The following NDUFV3 variants were observed in gnomAD, a reference collection of about 807,000 sequenced individuals.
NDUFV3 encodes NADH dehydrogenase [ubiquinone] flavoprotein 3, mitochondrial.
A neutral mutation model predicts 37.5 loss-of-function variants in NDUFV3; 44 were observed. That is an observed-to-expected ratio of 1.17 (90% confidence interval 0.92 to 1.51). The LOEUF is 1.51. NDUFV3 is among the 40% of genes most tolerant of loss of function. NDUFV3 has a pLI of 0.00. For synonymous variants in NDUFV3, 235 were observed against 239.3 expected (o/e 0.98, Z 0.17); for missense variants, 580 against 580.4 (o/e 1.00, Z 0.01).
Position 42,904,138 on chromosome 21 carries a change from C to A in NDUFV3, c.1126C>A (p.Pro376Thr), listed in dbSNP as rs2058731126. The change falls in exon 3 of 4, where the codon CCA (proline) becomes ACA (threonine). Residue 376 changes from proline to threonine, a missense_variant. By Grantham distance (38) the Pro-to-Thr change is conservative. Transcript: ENST00000354250. Reference sequence around the variant, plus strand: ...ACAGGCAATCGTGGAAGATCAGATACCACCAAGCAATTTGGAGACAGTTCC... The same window carrying A: ...ACAGGCAATCGTGGAAGATCAGATAACACCAAGCAATTTGGAGACAGTTCC... ...GGQAIVEDQI[P>T]PSNLETVPVE... 1 of 1,614,126 alleles carries A rather than the reference C, an allele frequency of 6.2e-7. No individual in the cohort carries two copies. Among genetic ancestry groups the A allele is most frequent in the Non-Finnish European group, 8.5e-7 (1 of 1,180,062 alleles).
chr21:42,906,050 GACAGCGTTTTGCCATGT>G (rs1220327914), intron 3 of NDUFV3, among the ~76,000 whole-genome samples: 2 of 150,930 alleles, frequency 1.3e-5, no homozygotes, highest in African/African-American at 4.9e-5. Context: ...TTTTAGTAGA[GACAGCGTTTTGCCATGT>G]TGGTCAGGTT....
chr21:42,894,551 A>T (rs1225192092), intron 1 of NDUFV3, among the ~76,000 whole-genome samples: 29 of 61,260 alleles, frequency 4.7e-4, no homozygotes, highest in Non-Finnish European at 2.9e-4. Context: ...ATAATATATA[A>T]TATATATATA....
At chr21:42,895,401 G>A (rs999659836) in intron 1 of NDUFV3, among the ~76,000 whole-genome samples, 4 of 152,122 alleles carry the variant, frequency 2.6e-5, no homozygotes, top group African/African-American at 7.2e-5. Context: ...AGAATTGCTT[G>A]AACCCACGAG....
chr21:42,894,415 A>ATATATT lies in NDUFV3; in HGVS notation c.48+1034_48+1035insTATATT, dbSNP rs1568854050. Among the ~76,000 whole-genome samples the ATATATT allele has an allele frequency of 2.8e-4, 13 of 47,272 alleles. No individual in the cohort carries two copies. The African/African-American group carries it at 2.8e-3, about 10-fold the overall frequency. 31.0% of individuals were successfully genotyped at this position (47,272 alleles called of 152,430 possible). A position where few individuals can be genotyped will look rare whatever the true frequency, so the allele number is the denominator to read the frequency against. Reference sequence around the variant, plus strand: ...TATATTATATATTTATATAATATATAATATATTATATAAATATATATTATA... The same window carrying ATATATT: ...TATATTATATATTTATATAATATATATATATTATATATTATATAAATATATATTATA... On this transcript the variant is annotated intron_variant, in intron 1 of 3. Coordinates refer to ENST00000354250, the MANE Select transcript of NDUFV3 (RefSeq NM_021075.4).
intron 2 of NDUFV3, 50 bp from the exon 3 acceptor site, chr21:42,903,132 A>C (rs1428400549): frequency 9.3e-6 from 15 of 1,610,108 alleles, no homozygotes; most frequent in Non-Finnish European, 1.2e-5. Flanking sequence ...ATTTTGACTG[A>C]GTTTTAAGTT....
Position 42,909,850 on chromosome 21 carries a change from AT to A in NDUFV3, c.*837del. On this transcript the variant is annotated 3_prime_UTR_variant, in exon 4 of 4. Coordinates refer to ENST00000354250, the MANE Select transcript of NDUFV3 (RefSeq NM_021075.4). The stretch of plus-strand genomic sequence containing the variant: ...AGGCTCACGCCACCATGCCTGGCTA[AT>A]TTTTTTTGTATTTTTAGTAGAGATG... The A allele has an allele frequency of 6.6e-6, 1 of 151,414 alleles. No individual in the cohort carries two copies. Among genetic ancestry groups the A allele is most frequent in the Non-Finnish European group, 1.5e-5 (1 of 67,808 alleles). 9.4% of individuals were successfully genotyped at this position (151,414 alleles called of 1,614,324 possible). A position where few individuals can be genotyped will look rare whatever the true frequency, so the allele number is the denominator to read the frequency against.
At chr21:42,905,833 G>C (rs1402814136) in intron 3 of NDUFV3, among the ~76,000 whole-genome samples, 1 of 147,386 alleles carries the variant, frequency 6.8e-6, no homozygotes, top group Non-Finnish European at 1.5e-5. Flanking sequence ...GCTTTTAAAG[G>C]GCAACAGTAT....
chr21:42,912,442 G>A lies in NDUFV3; in HGVS notation c.*3421G>A, dbSNP rs1038952276. On this transcript the variant is annotated 3_prime_UTR_variant, in exon 4 of 4. Transcript: ENST00000354250. ...TACAGTGGTCACCCAAGGGGCCATT[G>A]TTTGGGTCTATGTGATTTCCCACGT... 2.0e-5 allele frequency: 3 copies of A among 151,966 alleles called. No individual in the cohort carries two copies. Among genetic ancestry groups the A allele is most frequent in the African/African-American group, 7.3e-5 (3 of 41,248 alleles). The allele number at this position is 151,966 out of a possible 1,614,324, so 9.4% of individuals were successfully genotyped here.
In NDUFV3 at chr21:42,893,480, G is replaced by A. The variant is rs1270055145; in HGVS notation, c.48+99G>A. Reference sequence around the variant, plus strand: ...GCTGGTCAGGTCCGGGCCTGTCCGCGACCTCTAGCCGTCCTAGTTGGGCCG... The same window carrying A: ...GCTGGTCAGGTCCGGGCCTGTCCGCAACCTCTAGCCGTCCTAGTTGGGCCG... On this transcript the variant is annotated intron_variant, in intron 1 of 3. Coordinates refer to ENST00000354250, the MANE Select transcript of NDUFV3 (RefSeq NM_021075.4). 4 of 1,376,956 alleles carry A rather than the reference G, an allele frequency of 2.9e-6. No homozygotes were observed. The Admixed American group carries it at 8.0e-5, about 28-fold the overall frequency. The allele number at this position is 1,376,956 out of a possible 1,614,324, so 85.3% of individuals were successfully genotyped here.
intron 3 of NDUFV3, among the ~76,000 whole-genome samples, chr21:42,905,923 G>A (rs2058739590): frequency 6.6e-6 from 1 of 151,264 alleles, no homozygotes; most frequent in Non-Finnish European, 1.5e-5. Flanking sequence ...CAGTACAGTG[G>A]CGCAATCTTG....
At chr21:42,902,630 T>G (rs1435546426) in intron 2 of NDUFV3, among the ~76,000 whole-genome samples, 1 of 152,202 alleles carries the variant, frequency 6.6e-6, no homozygotes. Flanking sequence ...TTTACATAGT[T>G]TGTTATGGTC....
chr21:42,899,923 C>G (rs187291735), intron 2 of NDUFV3, among the ~76,000 whole-genome samples: 2 of 152,110 alleles, frequency 1.3e-5, no homozygotes, highest in Non-Finnish European at 2.9e-5. Context: ...ACAGGCTGGG[C>G]GTGGGGGTTC....
chr21:42,897,806 A>T (rs1316003315), intron 2 of NDUFV3, among the ~76,000 whole-genome samples: 1 of 151,840 alleles, frequency 6.6e-6, no homozygotes, highest in Non-Finnish European at 1.5e-5. Flanking sequence ...CCTCCTGAGT[A>T]GCTGGGACTA....
In NDUFV3 at chr21:42,904,233, GGAA is replaced by G. The variant is rs1568860101; in HGVS notation, c.1224_1226del (p.Glu408del). On this transcript the variant is annotated inframe_deletion, in exon 3 of 4. Transcript: ENST00000354250. ...AGCTTGAGGCCGAGGGCGAGGCCAT[GGAA>G]GATGCAGCCGCGCCAGGGGACGACC... is the stretch of plus-strand genomic sequence containing the variant. The G allele has an allele frequency of 6.2e-7, 1 of 1,612,454 alleles. No homozygotes were observed. The highest frequency in any genetic ancestry group is 8.5e-7 in the Non-Finnish European group (1 of 1,179,224).
chr21:42,896,844 A>T (rs908307002), intron 1 of NDUFV3, 83 bp from the exon 2 acceptor site: 114 of 1,325,292 alleles, frequency 8.6e-5, no homozygotes, highest in South Asian at 1.3e-4. Context: ...TGACTCAAAA[A>T]ATATATATAT....
At chr21:42,897,068 A>G (rs771463288) in intron 2 of NDUFV3, 21 bp downstream of exon 2, 3 of 1,613,146 alleles carry the variant, frequency 1.9e-6, no homozygotes, top group South Asian at 2.2e-5. Flanking sequence ...GATGGTAGTC[A>G]TAAGGGAAAG....
chr21:42,898,964 C>T (rs370856306), intron 2 of NDUFV3, among the ~76,000 whole-genome samples: 11 of 152,268 alleles, frequency 7.2e-5, no homozygotes, highest in African/African-American at 1.2e-4. Context: ...TAGATACATG[C>T]GTCTGTGTGT....
intron 3 of NDUFV3, among the ~76,000 whole-genome samples, chr21:42,907,717 C>G (rs978937321): frequency 6.6e-6 from 1 of 152,010 alleles, no homozygotes; most frequent in Non-Finnish European, 1.5e-5. Flanking sequence ...TCTCAAAGTG[C>G]TAGGATTACA....
intron 2 of NDUFV3, 111 bp from the exon 3 acceptor site, chr21:42,903,071 T>A: frequency 7.1e-7 from 1 of 1,404,292 alleles, no homozygotes; most frequent in Non-Finnish European, 9.8e-7. Flanking sequence ...CTTAGGATGA[T>A]TGCATTGAAG....
Sources: allele counts gnomAD v4.1 joint callset (sites outside exome capture counted in the v4.1 genomes callset), GRCh38; gene constraint gnomAD v4.1.1; transcripts MANE v1.5; gene names NCBI Gene and HGNC (gene_info 2026-07-23, HGNC 2026-07-21).